ITGA11: variants seen among roughly 807,000 people sequenced by gnomAD.
The protein encoded by ITGA11 is integrin subunit alpha 11, also known as integrin alpha-11.
A neutral mutation model predicts 141.9 loss-of-function variants in ITGA11; 97 were observed. That is an observed-to-expected ratio of 0.68 (90% CI 0.58 to 0.81). The LOEUF (loss-of-function observed/expected upper bound fraction) is 0.81. Among genes scored for constraint, ITGA11 ranks in the 30% least tolerant of loss-of-function variants. ITGA11 has a pLI of 0.00. For missense variants in ITGA11, 1,387 were observed against 1,559.2 expected (o/e 0.89, Z 1.86); for synonymous variants, 658 against 624.6 (o/e 1.05, Z -0.80).
At chr15:68,311,269 G>A (rs762503753) in intron 25 of ITGA11, 21 bp downstream of exon 25, 121 of 1,515,330 alleles carry the variant, frequency 8.0e-5, no homozygotes, top group South Asian at 2.3e-4. Flanking sequence ...TCCCCTAGCC[G>A]GCTCCCAAGG....
At position 68,300,963 on chromosome 15, in the gene ITGA11, A is replaced by C. The variant is rs1893011847; in HGVS notation, c.*2096T>G. ...GGTGCTAAGTCAATGAAAACTTATG[A>C]GTGTGGGTTCATTAATTCTCATTTA... On this transcript the variant is annotated 3_prime_UTR_variant, in exon 30 of 30. Transcript: ENST00000315757. 6.6e-6 allele frequency: 1 copy of C among 152,190 alleles called. No individual in the cohort carries two copies. Among genetic ancestry groups the C allele is most frequent in the Non-Finnish European group, 1.5e-5 (1 of 68,048 alleles). The allele number at this position is 152,190 out of a possible 1,614,324, so 9.4% of individuals were successfully genotyped here.
In ITGA11 at chr15:68,303,170, G is replaced by C; in HGVS notation, c.3496-40C>G. On this transcript the variant is annotated intron_variant, in intron 29 of 29. Coordinates refer to ENST00000315757, the MANE Select transcript of ITGA11 (RefSeq NM_001004439.2). The surrounding 1 kb of genome is among the most constrained non-coding windows in gnomAD (Gnocchi z 5.3). ...AGGGAGACGTCTCAGAGGAGGACAGGGTGGGCAAGGCCTGCCCCAGCTTTC... is the reference window on the plus strand; with the variant it reads ...AGGGAGACGTCTCAGAGGAGGACAGCGTGGGCAAGGCCTGCCCCAGCTTTC... 3 of 1,524,222 alleles carry C rather than the reference G, an allele frequency of 2.0e-6. No individual in the cohort carries two copies. Among genetic ancestry groups the C allele is most frequent in the Non-Finnish European group, 2.7e-6 (3 of 1,125,878 alleles). The allele number at this position is 1,524,222 out of a possible 1,614,324, so 94.4% of individuals were successfully genotyped here.
chr15:68,330,394 AT>A (rs58817010), intron 15 of ITGA11, among the ~76,000 whole-genome samples: 13,972 of 150,894 alleles, frequency 0.093, 1,418 homozygotes, highest in African/African-American at 0.26. Context: ...AGGCTGAGTG[AT>A]TTTTTTTTCC....
intron 1 of ITGA11, among the ~76,000 whole-genome samples, chr15:68,405,174 T>TTTTTTC (rs1896618505): frequency 6.6e-6 from 1 of 151,066 alleles, no homozygotes; most frequent in African/African-American, 2.4e-5. Context: ...TTTTTTTTTT[T>TTTTTTC]TGCTCAGCAA....
intron 21 of ITGA11, among the ~76,000 whole-genome samples, chr15:68,315,982 C>A (rs954602034): frequency 6.6e-6 from 1 of 152,216 alleles, no homozygotes; most frequent in Non-Finnish European, 1.5e-5. Flanking sequence ...AGCCAGCCCC[C>A]CTCCCTCTTC....
Position 68,429,677 on chromosome 15 carries a change from C to T in ITGA11, c.52+2338G>A, listed in dbSNP as rs183631810. ...GCATGGATGAGGTATCAACATCAGTCCTGTCCTGGAGCCTGAGGAGTGAAC... is the reference window on the plus strand; with the variant it reads ...GCATGGATGAGGTATCAACATCAGTTCTGTCCTGGAGCCTGAGGAGTGAAC... On this transcript the variant is annotated intron_variant, in intron 1 of 29. Transcript: ENST00000315757. 1.1e-4 allele frequency among the ~76,000 whole-genome samples: 17 copies of T among 152,312 alleles called. No individual in the cohort carries two copies. The East Asian group carries it at 3.1e-3, about 28-fold the overall frequency.
At chr15:68,422,276 CAA>C (rs1451796503) in intron 1 of ITGA11, among the ~76,000 whole-genome samples, 1 of 152,156 alleles carries the variant, frequency 6.6e-6, no homozygotes, top group African/African-American at 2.4e-5. Context: ...ACGAGCACTG[CAA>C]AGTCAACGTT....
intron 22 of ITGA11, among the ~76,000 whole-genome samples, chr15:68,315,356 A>G (rs1220059097): frequency 6.6e-6 from 1 of 152,166 alleles, no homozygotes; most frequent in East Asian, 1.9e-4. Context: ...CTTTATAACC[A>G]TAGGGTTTGT....
chr15:68,399,041 G>A lies in ITGA11; in HGVS notation c.164+3877C>T, dbSNP rs143261702. ...CAGTATAACTCCAATAAAAATCTCAGCAAATTTTGTTGGAGGAAAATTGAC... is the reference window on the plus strand; with the variant it reads ...CAGTATAACTCCAATAAAAATCTCAACAAATTTTGTTGGAGGAAAATTGAC... On this transcript the variant is annotated intron_variant, in intron 2 of 29. Coordinates refer to ENST00000315757, the MANE Select transcript of ITGA11 (RefSeq NM_001004439.2). 3.4e-3 allele frequency among the ~76,000 whole-genome samples: 510 copies of A among 151,916 alleles called. 4 individuals are homozygous for A. The highest frequency in any genetic ancestry group is 0.011 in the African/African-American group (475 of 41,442).
chr15:68,409,730 A>T (rs1162888010), intron 1 of ITGA11, among the ~76,000 whole-genome samples: 1 of 152,124 alleles, frequency 6.6e-6, no homozygotes, highest in Non-Finnish European at 1.5e-5. Context: ...CACTATTCTG[A>T]ATGTATTTAA....
intron 7 of ITGA11, 83 bp downstream of exon 7, chr15:68,357,068 G>T (rs1333624254): frequency 8.1e-7 from 1 of 1,237,212 alleles, no homozygotes; most frequent in East Asian, 2.4e-5. Context: ...ACTAAATTTT[G>T]TGGTAGTGTG....
intron 1 of ITGA11, among the ~76,000 whole-genome samples, chr15:68,419,815 G>A (rs951678942): frequency 2.0e-5 from 3 of 152,204 alleles, no homozygotes; most frequent in Admixed American, 6.5e-5. Context: ...GCAGTCTCTC[G>A]AGTCAGACTG....
chr15:68,349,385 C>T (rs780422371), intron 9 of ITGA11, among the ~76,000 whole-genome samples: 2 of 152,292 alleles, frequency 1.3e-5, no homozygotes, highest in Admixed American at 6.5e-5. Flanking sequence ...TGCAGATTTG[C>T]GTAAGAAATC....
intron 26 of ITGA11, among the ~76,000 whole-genome samples, chr15:68,309,116 C>T (rs1893296166): frequency 6.6e-6 from 1 of 152,224 alleles, no homozygotes; most frequent in Non-Finnish European, 1.5e-5. Flanking sequence ...TAAAAGATGG[C>T]TTTGCCAGTA....
chr15:68,362,377 T>C (rs998087873), intron 4 of ITGA11, among the ~76,000 whole-genome samples: 1 of 152,234 alleles, frequency 6.6e-6, no homozygotes, highest in Non-Finnish European at 1.5e-5. Context: ...TCCTTTGGTT[T>C]AGGGGAGTAA....
chr15:68,396,718 A>C (rs1358065213), intron 2 of ITGA11, among the ~76,000 whole-genome samples: 1 of 150,738 alleles, frequency 6.6e-6, no homozygotes, highest in Non-Finnish European at 1.5e-5. Flanking sequence ...TGACTTTAGT[A>C]AAGTTGCTGG....
At chr15:68,327,403 C>T (rs1894014466) in intron 16 of ITGA11, among the ~76,000 whole-genome samples, 1 of 152,284 alleles carries the variant, frequency 6.6e-6, no homozygotes, top group Non-Finnish European at 1.5e-5. Context: ...TGTCTCCTCT[C>T]AGGGACAGAA....
At chr15:68,420,757 G>C (rs368295197) in intron 1 of ITGA11, among the ~76,000 whole-genome samples, 1 of 152,222 alleles carries the variant, frequency 6.6e-6, no homozygotes, top group African/African-American at 2.4e-5. Context: ...GCCCTGGGAT[G>C]CGTAAGTAAA....
At chr15:68,354,379 G>C (rs1475935744) in intron 7 of ITGA11, among the ~76,000 whole-genome samples, 1 of 152,046 alleles carries the variant, frequency 6.6e-6, no homozygotes, top group African/African-American at 2.4e-5. Flanking sequence ...GTACATAGCT[G>C]CCAGGCTCAT....
Sources: gnomAD v4.1 joint callset for allele counts (sites outside exome capture counted in the v4.1 genomes callset) on GRCh38, gnomAD v4.1.1 for gene constraint, Gnocchi (gnomAD v3.1) non-coding constraint, MANE v1.5 for transcripts, NCBI Gene and HGNC (gene_info 2026-07-23, HGNC 2026-07-21) for gene names.